The following ATE1 variants were observed in gnomAD, a reference collection of about 807,000 sequenced individuals.
ATE1 encodes the protein arginyl-tRNA--protein transferase 1.
A neutral mutation model predicts 70.5 loss-of-function variants in ATE1; 36 were observed. That is an observed-to-expected ratio of 0.51 (90% CI 0.39 to 0.67). The LOEUF (loss-of-function observed/expected upper bound fraction) is 0.67, where lower values mean the gene tolerates loss of function less well. Ranked by LOEUF, ATE1 falls within the 30% of genes least tolerant of loss-of-function variation. The probability of loss-of-function intolerance (pLI) is 0.00; values close to 1 mark genes in which losing one functional copy is unlikely to be tolerated. For synonymous variants in ATE1, 232 were observed against 219.3 expected (o/e 1.06, Z -0.51); for missense variants, 593 against 629.5 (o/e 0.94, Z 0.62).
At chr10:121,776,500 C>A (rs1945748601) in intron 11 of ATE1, among the ~76,000 whole-genome samples, 1 of 152,198 alleles carries the variant, frequency 6.6e-6, no homozygotes, top group South Asian at 2.1e-4. Context: ...ACTGCCGTAT[C>A]ACTAAAATAG....
chr10:121,803,331 T>C (rs1056032019), intron 10 of ATE1, among the ~76,000 whole-genome samples: 1 of 152,208 alleles, frequency 6.6e-6, no homozygotes, highest in African/African-American at 2.4e-5. Flanking sequence ...CAGACTTCCC[T>C]AGTTGCATTT....
chr10:121,911,114 C>T lies in ATE1; in HGVS notation c.375G>A (p.Ala125=), dbSNP rs372352353. The T allele has an allele frequency of 5.1e-5, 82 of 1,609,812 alleles. No individual in the cohort carries two copies. Among genetic ancestry groups the T allele is most frequent in the Admixed American group, 6.8e-5 (4 of 58,610 alleles). ...GTTTATTTATCAATGCAAAGTCACC[C>T]GCAACAGCATCATCCATTGTGGAAT... is the stretch of plus-strand genomic sequence containing the variant. ...PMDSTMDDAV[A]GDFALINKLD... is the part of the protein sequence containing the mutation. Residue 125 remains alanine (A), a synonymous_variant, in exon 5 of 12, where the codon GCG becomes GCA. Transcript: ENST00000224652.
At chr10:121,792,831 C>G (rs1254855839) in intron 10 of ATE1, among the ~76,000 whole-genome samples, 1 of 151,916 alleles carries the variant, frequency 6.6e-6, no homozygotes, top group African/African-American at 2.4e-5. Flanking sequence ...AGATATAAAA[C>G]TTCTGGGGAA....
intron 11 of ATE1, among the ~76,000 whole-genome samples, chr10:121,767,304 C>A (rs1478165668): frequency 6.6e-6 from 1 of 152,142 alleles, no homozygotes; most frequent in East Asian, 1.9e-4. Flanking sequence ...AGGTGAGAGA[C>A]TGAATGCTTT....
intron 9 of ATE1, among the ~76,000 whole-genome samples, chr10:121,837,645 T>C (rs1046856518): frequency 2.6e-5 from 4 of 152,354 alleles, no homozygotes; most frequent in African/African-American, 4.8e-5. Flanking sequence ...AATGTATTTG[T>C]AATGCAATAT....
At chr10:121,815,959 CA>C (rs750357421) in intron 10 of ATE1, among the ~76,000 whole-genome samples, 2 of 152,252 alleles carry the variant, frequency 1.3e-5, no homozygotes, top group Non-Finnish European at 2.9e-5. Context: ...CCAGTTACAA[CA>C]ACCAAAATGT....
intron 11 of ATE1, among the ~76,000 whole-genome samples, chr10:121,783,412 T>C (rs1161180056): frequency 6.6e-6 from 1 of 152,190 alleles, no homozygotes; most frequent in African/African-American, 2.4e-5. Context: ...TTGCTAGGTA[T>C]TATAGTGTAC....
At chr10:121,794,610 C>CAAAAAAAAAAAA (rs71022866) in intron 10 of ATE1, among the ~76,000 whole-genome samples, 2 of 77,542 alleles carry the variant, frequency 2.6e-5, no homozygotes, top group African/African-American at 5.1e-5. Flanking sequence ...ACCCTGTCTC[C>CAAAAAAAAAAAA]AAAAAAAAAA....
intron 4 of ATE1, among the ~76,000 whole-genome samples, chr10:121,912,946 G>A (rs543393085): frequency 2.0e-5 from 3 of 146,572 alleles, no homozygotes; most frequent in East Asian, 4.2e-4. Context: ...GTGGCACAAT[G>A]TCGGCTCACT....
At chr10:121,791,002 G>A (rs1946416118) in intron 10 of ATE1, among the ~76,000 whole-genome samples, 1 of 149,630 alleles carries the variant, frequency 6.7e-6, no homozygotes, top group East Asian at 2.0e-4. Context: ...ACATATATGT[G>A]TATATATGTA....
intron 11 of ATE1, among the ~76,000 whole-genome samples, chr10:121,757,418 G>A (rs983460412): frequency 2.6e-5 from 4 of 152,096 alleles, no homozygotes; most frequent in African/African-American, 9.7e-5. Context: ...ACATTTTAGG[G>A]TAGCTTTTCA....
At chr10:121,767,228 A>C (rs1945314211) in intron 11 of ATE1, among the ~76,000 whole-genome samples, 1 of 152,196 alleles carries the variant, frequency 6.6e-6, no homozygotes, top group South Asian at 2.1e-4. Context: ...GAAAACGAGG[A>C]GTGGAGGGGA....
At chr10:121,873,464 A>G (rs1394073193) in intron 7 of ATE1, among the ~76,000 whole-genome samples, 1 of 152,142 alleles carries the variant, frequency 6.6e-6, no homozygotes, top group East Asian at 1.9e-4. Context: ...CCTGACTCAT[A>G]ACATAATCCT....
chr10:121,744,932 T>C (rs897105937), intron 11 of ATE1, among the ~76,000 whole-genome samples: 2 of 152,172 alleles, frequency 1.3e-5, no homozygotes, highest in African/African-American at 4.8e-5. Flanking sequence ...CTTTCCTTCA[T>C]TCTGCTGCCT....
chr10:121,813,889 T>C (rs376568398), intron 10 of ATE1, among the ~76,000 whole-genome samples: 1 of 152,196 alleles, frequency 6.6e-6, no homozygotes. Context: ...CCAGGGACTC[T>C]ATCTTTGACA....
In ATE1 at chr10:121,864,067, C is replaced by CA. The variant is rs546930210; in HGVS notation, c.975+5938dup. Among the ~76,000 whole-genome samples the CA allele has an allele frequency of 2.6e-3, 403 of 152,270 alleles. 3 individuals are homozygous for CA. The highest frequency in any genetic ancestry group is 9.4e-3 in the African/African-American group (389 of 41,548). Reference sequence around the variant, plus strand: ...TTCCAATCTGCCCTAATAGTATAGTCACTAGCCACATGTGGCCACTTAGCC... The same window carrying CA: ...TTCCAATCTGCCCTAATAGTATAGTCAACTAGCCACATGTGGCCACTTAGCC... On this transcript the variant is annotated intron_variant, in intron 8 of 11. Coordinates refer to ENST00000224652, the MANE Select transcript of ATE1 (RefSeq NM_001001976.3).
intron 3 of ATE1, among the ~76,000 whole-genome samples, chr10:121,915,823 A>G (rs1453031516): frequency 1.3e-4 from 19 of 144,200 alleles, no homozygotes; most frequent in East Asian, 1.3e-3. Flanking sequence ...CCTGGGAGGC[A>G]GAGCTTGCAG....
chr10:121,895,224 C>T (rs1362424023), intron 7 of ATE1, among the ~76,000 whole-genome samples: 1 of 152,182 alleles, frequency 6.6e-6, no homozygotes, highest in African/African-American at 2.4e-5. Flanking sequence ...AGTAATTCCA[C>T]GCGTACGTAT....
chr10:121,754,990 A>T (rs1189452309), intron 11 of ATE1, among the ~76,000 whole-genome samples: 2 of 152,230 alleles, frequency 1.3e-5, no homozygotes, highest in African/African-American at 4.8e-5. Flanking sequence ...CTACAAAGTG[A>T]CTGGACTCTT....
Sources: gnomAD v4.1 joint callset for allele counts (sites outside exome capture counted in the v4.1 genomes callset) on GRCh38, gnomAD v4.1.1 for gene constraint, MANE v1.5 for transcripts, NCBI Gene and HGNC (gene_info 2026-07-23, HGNC 2026-07-21) for gene names.